CCDC102A: variants seen among roughly 807,000 people sequenced by gnomAD.
CCDC102A encodes coiled-coil domain-containing protein 102A.
In CCDC102A, 40 loss-of-function variants were observed where a neutral mutation model predicts 55.5. The ratio of observed to expected loss-of-function variants is 0.72; its 90% CI spans 0.56 to 0.94. The LOEUF is 0.94. CCDC102A is among the 40% of genes least tolerant of loss of function. The probability of loss-of-function intolerance (pLI) is 0.00; values close to 1 mark genes in which losing one functional copy is unlikely to be tolerated. For synonymous variants in CCDC102A, 323 were observed against 339.0 expected, an observed-to-expected ratio of 0.95 and a Z score of 0.52; for missense variants, 779 against 768.6, an observed-to-expected ratio of 1.01 and a Z score of -0.16.
At chr16:57,526,343 G>C (rs2032141834) in intron 2 of CCDC102A, among the ~76,000 whole-genome samples, 1 of 152,190 alleles carries the variant, frequency 6.6e-6, no homozygotes, top group Non-Finnish European at 1.5e-5. Flanking sequence ...AGCCACCATG[G>C]TTCCCTGTAT....
rs764898448 is a variant in CCDC102A, at chr16:57,528,823, G to A, written c.355C>T (p.Arg119Cys). Reference sequence around the variant, plus strand: ...TGGCGCAGCTGGCGCACCTCCTCGCGCGCGCGGTTGCGCTCAGCGCGCACC... The same window carrying A: ...TGGCGCAGCTGGCGCACCTCCTCGCACGCGCGGTTGCGCTCAGCGCGCACC... ...SKVRAERNRA[R>C]EEVRQLRQRL... Residue 119 changes from arginine (R) to cysteine (C), a missense_variant, in exon 2 of 9, where the codon CGC becomes TGC. Transcript: ENST00000258214. 24 of 1,264,740 alleles carry A rather than the reference G, an allele frequency of 1.9e-5. No homozygotes were observed. The highest frequency in any genetic ancestry group is 7.2e-5 in the Admixed American group (2 of 27,668). 78.3% of individuals were successfully genotyped at this position (1,264,740 alleles called of 1,614,324 possible).
upstream of CCDC102A, among the ~76,000 whole-genome samples, chr16:57,536,899 G>C (rs1375370695): frequency 3.9e-5 from 6 of 152,148 alleles, no homozygotes; most frequent in East Asian, 1.9e-4. Context: ...CAGCAGAAAC[G>C]GCCACCGCGG....
At chr16:57,513,771 G>A (rs372114960) in intron 8 of CCDC102A, among the ~76,000 whole-genome samples, 62 of 152,326 alleles carry the variant, frequency 4.1e-4, no homozygotes, top group Admixed American at 1.6e-3. Context: ...TTGGGCCCAC[G>A]CCTGGGCCCC....
chr16:57,526,335 C>A (rs1391929172), intron 2 of CCDC102A, among the ~76,000 whole-genome samples: 2 of 152,340 alleles, frequency 1.3e-5, no homozygotes, highest in East Asian at 3.9e-4. Flanking sequence ...AGAGTGTCAG[C>A]CACCATGGTT....
At chr16:57,534,922 G>A (rs1157721899) in intron 1 of CCDC102A, among the ~76,000 whole-genome samples, 1 of 152,188 alleles carries the variant, frequency 6.6e-6, no homozygotes. Flanking sequence ...TGTTTGGATG[G>A]GTCTCTCCAT....
intron 3 of CCDC102A, among the ~76,000 whole-genome samples, chr16:57,524,045 G>A (rs936197890): frequency 1.2e-4 from 18 of 152,146 alleles, no homozygotes; most frequent in Non-Finnish European, 2.4e-4. Flanking sequence ...GGGGTTATGG[G>A]AGGATGTAGG....
chr16:57,527,711 C>T (rs2032165127), intron 2 of CCDC102A, among the ~76,000 whole-genome samples: 2 of 152,194 alleles, frequency 1.3e-5, no homozygotes, highest in South Asian at 2.1e-4. Context: ...TGAACCACCA[C>T]GCCCAGCCCT....
At chr16:57,517,277 C>G (rs571336879) in intron 6 of CCDC102A, among the ~76,000 whole-genome samples, 45 of 152,216 alleles carry the variant, frequency 3.0e-4, no homozygotes, top group Non-Finnish European at 1.6e-4. Flanking sequence ...TTCCTAACTT[C>G]TCTCCATCCC....
At chr16:57,524,107 A>G (rs1482988532) in intron 3 of CCDC102A, among the ~76,000 whole-genome samples, 2 of 152,072 alleles carry the variant, frequency 1.3e-5, no homozygotes, top group East Asian at 3.9e-4. Context: ...GGGTCACTGG[A>G]CAGTGTTTTC....
intron 1 of CCDC102A, among the ~76,000 whole-genome samples, chr16:57,531,444 C>G (rs1434816923): frequency 2.0e-4 from 30 of 151,984 alleles, no homozygotes; most frequent in Non-Finnish European, 4.4e-5. Context: ...CTGTCAGGGT[C>G]CACACCACCT....
intron 1 of CCDC102A, among the ~76,000 whole-genome samples, chr16:57,531,165 C>A (rs1266222864): frequency 6.6e-6 from 1 of 152,092 alleles, no homozygotes; most frequent in African/African-American, 2.4e-5. Context: ...TCCCATACCT[C>A]CAACCGGATG....
Position 57,516,142 on chromosome 16 carries a change from C to T in CCDC102A, c.1419+151G>A, listed in dbSNP as rs573953538. On this transcript the variant is annotated intron_variant, in intron 7 of 8. Coordinates refer to ENST00000258214, the MANE Select transcript of CCDC102A (RefSeq NM_033212.4). This position sits in a 1 kb window ranked among gnomAD's most constrained non-coding sequence, Gnocchi z 4.4. ...TGTCCATCCTGCCATCCATTCATCA[C>T]GCACCTACCCACTCTATCCTGGGCG... The T allele has an allele frequency of 1.3e-5, 9 of 689,520 alleles. No individual in the cohort carries two copies. The highest frequency in any genetic ancestry group is 5.7e-5 in the South Asian group (3 of 52,872). The allele number at this position is 689,520 out of a possible 1,614,324, so 42.7% of individuals were successfully genotyped here.
chr16:57,517,237 C>G (rs1178693056), intron 6 of CCDC102A, among the ~76,000 whole-genome samples: 1 of 152,208 alleles, frequency 6.6e-6, no homozygotes, highest in Non-Finnish European at 1.5e-5. Flanking sequence ...AGCTCTGTGT[C>G]TCTTTCACCA....
chr16:57,512,823 C>T lies in CCDC102A; in HGVS notation c.1571G>A (p.Ser524Asn). ...GGCCTCCTCGGTGCCAAAGCGAGCACTGCGGATCTTCCCGAAGAGGGGAGC... is the reference window on the plus strand; with the variant it reads ...GGCCTCCTCGGTGCCAAAGCGAGCATTGCGGATCTTCCCGAAGAGGGGAGC... ...QNAPLFGKIR[S>N]ARFGTEEAED... The change falls in exon 9 of 9, where the codon AGT (serine) becomes AAT (asparagine). Residue 524 changes from serine (S) to asparagine (N), a missense_variant. Coordinates refer to ENST00000258214, the MANE Select transcript of CCDC102A (RefSeq NM_033212.4). 3 of 1,614,126 alleles carry T rather than the reference C, an allele frequency of 1.9e-6. No homozygotes were observed. The highest frequency in any genetic ancestry group is 2.5e-6 in the Non-Finnish European group (3 of 1,179,982).
At chr16:57,520,996 C>T in intron 4 of CCDC102A, 72 bp downstream of exon 4, 1 of 912,844 alleles carries the variant, frequency 1.1e-6, no homozygotes, top group Non-Finnish European at 1.8e-6. Flanking sequence ...TTCTCTCTTC[C>T]ATCTCCACTA....
chr16:57,512,870 C>T lies in CCDC102A; in HGVS notation c.1524G>A (p.Arg508=), dbSNP rs763897893. 2 of 1,612,922 alleles carry T rather than the reference C, an allele frequency of 1.2e-6. No individual in the cohort carries two copies. The highest frequency in any genetic ancestry group is 3.3e-4 in the Middle Eastern group (2 of 6,030). Residue 508 remains arginine, a splice_region_variant and synonymous_variant, in exon 9 of 9, where the codon AGG becomes AGA. Coordinates refer to ENST00000258214, the MANE Select transcript of CCDC102A (RefSeq NM_033212.4). ...GAGCGTTCTGCTGCTGCCTGCGGAG[C>T]CTGTGGGGTGGGGGTGACAGGAGGT... ...LQVQLEHLQS[R]LRRQQQNAPL...
chr16:57,529,215 C>T lies in CCDC102A; in HGVS notation c.-38G>A. On this transcript the variant is annotated 5_prime_UTR_variant, in exon 2 of 9. Transcript: ENST00000258214. This position sits in a 1 kb window ranked among gnomAD's most constrained non-coding sequence, Gnocchi z 4.1. ...CGGGCCCTGAGCTCGAACTCGCGGT[C>T]GGGCTCAGGGGCGGCTCCGGGGACG... 1 of 1,155,368 alleles carries T rather than the reference C, an allele frequency of 8.7e-7. No individual in the cohort carries two copies. The highest frequency in any genetic ancestry group is 1.1e-6 in the Non-Finnish European group (1 of 937,942). The allele number at this position is 1,155,368 out of a possible 1,614,324, so 71.6% of individuals were successfully genotyped here. A position where few individuals can be genotyped will look rare whatever the true frequency, so the allele number is the denominator to read the frequency against.
chr16:57,512,580 G>T lies in CCDC102A; in HGVS notation c.*161C>A. Reference sequence around the variant, plus strand: ...ATAGGCTTCCTTTCCACAGGGCGTTGGTAGGTGGGACTGTTGACGCCATCC... The same window carrying T: ...ATAGGCTTCCTTTCCACAGGGCGTTTGTAGGTGGGACTGTTGACGCCATCC... On this transcript the variant is annotated 3_prime_UTR_variant, in exon 9 of 9. Coordinates refer to ENST00000258214, the MANE Select transcript of CCDC102A (RefSeq NM_033212.4). 1.3e-6 allele frequency: 1 copy of T among 791,962 alleles called. No homozygotes were observed. Among genetic ancestry groups the T allele is most frequent in the Non-Finnish European group, 2.0e-6 (1 of 498,506 alleles). 49.1% of individuals were successfully genotyped at this position (791,962 alleles called of 1,614,324 possible).
intron 2 of CCDC102A, among the ~76,000 whole-genome samples, chr16:57,527,257 T>C (rs1298716051): frequency 6.6e-6 from 1 of 152,154 alleles, no homozygotes; most frequent in Admixed American, 6.5e-5. Flanking sequence ...ACCCTGCCCC[T>C]AGGTGGCTTT....
Sources: gnomAD v4.1 joint callset for allele counts (sites outside exome capture counted in the v4.1 genomes callset) on GRCh38, gnomAD v4.1.1 for gene constraint, Gnocchi (gnomAD v3.1) non-coding constraint, MANE v1.5 for transcripts, NCBI Gene and HGNC (gene_info 2026-07-23, HGNC 2026-07-21) for gene names.